The following GARIN2 variants were observed in gnomAD, a reference collection of about 807,000 sequenced individuals.
GARIN2 encodes Golgi-associated RAB2 interactor protein 2.
chr14:67,221,814 A>C, the GARIN2 span: 3 of 1,612,648 alleles, frequency 1.9e-6, no homozygotes, highest in African/African-American at 4.0e-5. Context: ...TCAGGTATGG[A>C]ACAAATTCCA....
chr14:67,195,285 G>T, the GARIN2 span, among the ~76,000 whole-genome samples: 1 of 152,122 alleles, frequency 6.6e-6, no homozygotes, highest in Non-Finnish European at 1.5e-5. Flanking sequence ...AAATATCCTT[G>T]AATTCCTTCC....
chr14:67,216,984 A>G, the GARIN2 span, among the ~76,000 whole-genome samples: 1 of 152,130 alleles, frequency 6.6e-6, no homozygotes, highest in Non-Finnish European at 1.5e-5. Context: ...TGTCTAGATG[A>G]TTTGTCCAAG....
At chr14:67,203,054 A>G in the GARIN2 span, 2 of 1,590,842 alleles carry the variant, frequency 1.3e-6, no homozygotes, top group Non-Finnish European at 1.7e-6. Flanking sequence ...AAAGCCACAC[A>G]TTTCATCATA....
chr14:67,198,899 G>A, the GARIN2 span: 1 of 691,272 alleles, frequency 1.4e-6, no homozygotes, highest in Non-Finnish European at 2.6e-6. Context: ...TACCTCTAAA[G>A]TTCCTAGAAA....
the GARIN2 span, among the ~76,000 whole-genome samples, chr14:67,221,020 G>C: frequency 6.6e-6 from 1 of 152,138 alleles, no homozygotes; most frequent in African/African-American, 2.4e-5. Context: ...AATGTGTCAA[G>C]AAATAAGAAT....
chr14:67,216,489 TA>T, the GARIN2 span, among the ~76,000 whole-genome samples: 1 of 152,184 alleles, frequency 6.6e-6, no homozygotes, highest in African/African-American at 2.4e-5. Flanking sequence ...GGTGCATCAT[TA>T]GGTTATTTAT....
the GARIN2 span, chr14:67,228,265 A>G: frequency 1.9e-5 from 4 of 205,776 alleles, no homozygotes; most frequent in Non-Finnish European, 3.4e-5. Context: ...TATTTTTTAT[A>G]TCAAGAAGAA....
chr14:67,214,277 T>C, the GARIN2 span, among the ~76,000 whole-genome samples: 1 of 152,274 alleles, frequency 6.6e-6, no homozygotes, highest in South Asian at 2.1e-4. Context: ...TAGGTTTTCT[T>C]TTAGGGTTTT....
chr14:67,208,581 A>C, the GARIN2 span: 2 of 992,220 alleles, frequency 2.0e-6, no homozygotes, highest in Non-Finnish European at 2.9e-6. Flanking sequence ...TAACTGAATG[A>C]TGATATAGTC....
the GARIN2 span, among the ~76,000 whole-genome samples, chr14:67,206,698 T>C: frequency 3.3e-5 from 5 of 152,098 alleles, no homozygotes; most frequent in Admixed American, 2.0e-4. Context: ...TAGTTGTTTC[T>C]GGGCAGTGGC....
the GARIN2 span, among the ~76,000 whole-genome samples, chr14:67,211,716 G>A: frequency 6.6e-6 from 1 of 152,152 alleles, no homozygotes; most frequent in South Asian, 2.1e-4. Context: ...ACCATCCTGG[G>A]CAACTTAACA....
chr14:67,194,438 C>CGTGT, the GARIN2 span, among the ~76,000 whole-genome samples: 63 of 150,856 alleles, frequency 4.2e-4, no homozygotes, highest in African/African-American at 1.5e-3. Flanking sequence ...ATGAGGGGGG[C>CGTGT]GTGTGTGTGT....
At chr14:67,225,974 C>CGT in the GARIN2 span, among the ~76,000 whole-genome samples, 1 of 116,904 alleles carries the variant, frequency 8.6e-6, no homozygotes, top group Admixed American at 8.8e-5. Context: ...CGCGCGCGCG[C>CGT]GTGCGCATGC....
the GARIN2 span, chr14:67,204,627 C>G: frequency 9.6e-5 from 155 of 1,613,756 alleles, no homozygotes; most frequent in Non-Finnish European, 1.2e-4. Flanking sequence ...GAGCCTACTA[C>G]TTACAGCTCT....
the GARIN2 span, chr14:67,203,086 G>A: frequency 6.2e-7 from 1 of 1,609,902 alleles, no homozygotes; most frequent in African/African-American, 1.3e-5. Flanking sequence ...CCTGTTTTCT[G>A]CACTCAGGTC....
chr14:67,216,589 G>A, the GARIN2 span, among the ~76,000 whole-genome samples: 8 of 151,966 alleles, frequency 5.3e-5, no homozygotes, highest in East Asian at 1.9e-4. Flanking sequence ...ATAAGTTTTC[G>A]TATATTGTAT....
At chr14:67,207,286 C>G in the GARIN2 span, among the ~76,000 whole-genome samples, 1 of 152,026 alleles carries the variant, frequency 6.6e-6, no homozygotes, top group Non-Finnish European at 1.5e-5. Context: ...AGGGAACTTA[C>G]AATCGTGTGG....
the GARIN2 span, among the ~76,000 whole-genome samples, chr14:67,208,992 T>G: frequency 6.6e-6 from 1 of 151,162 alleles, no homozygotes; most frequent in Non-Finnish European, 1.5e-5. Flanking sequence ...CATAAAAAAA[T>G]TTCAGATAGG....
At chr14:67,190,535 T>C in the GARIN2 span, among the ~76,000 whole-genome samples, 1 of 152,244 alleles carries the variant, frequency 6.6e-6, no homozygotes, top group East Asian at 1.9e-4. Context: ...TTTTGAAATT[T>C]TGATTTTTCA....
Sources: allele counts gnomAD v4.1 joint callset (sites outside exome capture counted in the v4.1 genomes callset), GRCh38; gene constraint gnomAD v4.1.1; transcripts MANE v1.5; gene names NCBI Gene and HGNC (gene_info 2026-07-23, HGNC 2026-07-21).